FAM149B1: variants seen among roughly 807,000 people sequenced by gnomAD.
The protein encoded by FAM149B1 is primary cilium assembly protein FAM149B1.
FAM149B1 carries 56 observed loss-of-function variants against 75.3 expected under a neutral mutation model. The ratio of observed to expected loss-of-function variants is 0.74; its 90% CI spans 0.60 to 0.93. The LOEUF (loss-of-function observed/expected upper bound fraction) is 0.93, where lower values mean the gene tolerates loss of function less well. Ranked by LOEUF, FAM149B1 falls within the 40% of genes least tolerant of loss-of-function variation. FAM149B1 has a pLI of 0.00. For missense variants in FAM149B1, 639 were observed against 708.4 expected (o/e 0.90, Z 1.11); for synonymous variants, 259 against 256.1 (o/e 1.01, Z -0.11).
chr10:73,192,432 ACAG>A lies in FAM149B1; in HGVS notation c.283-120_283-118del. ...AATTTAACTTTTCTTTCGTGGAAAC[ACAG>A]CAGTATTTCAAGTAGACTAAATATG... On this transcript the variant is annotated intron_variant, in intron 3 of 13. Transcript: ENST00000242505. The A allele has an allele frequency of 3.3e-6, 3 of 908,620 alleles. No individual in the cohort carries two copies. In the Admixed American group the frequency reaches 9.9e-5, roughly 30 times the overall value. 56.3% of individuals were successfully genotyped at this position (908,620 alleles called of 1,614,324 possible). A position where few individuals can be genotyped will look rare whatever the true frequency, so the allele number is the denominator to read the frequency against.
intron 7 of FAM149B1, among the ~76,000 whole-genome samples, chr10:73,223,737 T>TG (rs2043471163): frequency 1.3e-5 from 2 of 151,620 alleles, no homozygotes; most frequent in Admixed American, 1.3e-4. Flanking sequence ...GTGTTAGGTT[T>TG]TTTTTTTTTT....
intron 1 of FAM149B1, among the ~76,000 whole-genome samples, chr10:73,171,819 G>C (rs1467097181): frequency 1.3e-5 from 2 of 151,836 alleles, no homozygotes; most frequent in African/African-American, 4.8e-5. Context: ...TAGTAGAGAC[G>C]GGGTTTCACC....
In FAM149B1 at chr10:73,235,031, T is replaced by C. The variant is rs923297265; in HGVS notation, c.1476+91T>C. 5 of 1,498,446 alleles carry C rather than the reference T, an allele frequency of 3.3e-6. No homozygotes were observed. In the African/African-American group the frequency reaches 4.2e-5, roughly 12 times the overall value. The allele number at this position is 1,498,446 out of a possible 1,614,324, so 92.8% of individuals were successfully genotyped here. A position where few individuals can be genotyped will look rare whatever the true frequency, so the allele number is the denominator to read the frequency against. ...GGATCTGTGCCCTGATCTTGATTTA[T>C]ACTGTGTTTTGTCAAAAGTACAAAC... On this transcript the variant is annotated intron_variant, in intron 11 of 13. Transcript: ENST00000242505.
rs1277052686 is a variant in FAM149B1, at chr10:73,242,004, AT to A, written c.*987del. On this transcript the variant is annotated 3_prime_UTR_variant, in exon 14 of 14. Coordinates refer to ENST00000242505, the MANE Select transcript of FAM149B1 (RefSeq NM_173348.2). ...TAAATTTCACTAAATACAAATCTTGATTGTCATGCCAGTTTTAGATCTTATT... is the reference window on the plus strand; with the variant it reads ...TAAATTTCACTAAATACAAATCTTGATGTCATGCCAGTTTTAGATCTTATT... 6.6e-6 allele frequency: 1 copy of A among 152,198 alleles called. No homozygotes were observed. The highest frequency in any genetic ancestry group is 1.5e-5 in the Non-Finnish European group (1 of 68,026). 9.4% of individuals were successfully genotyped at this position (152,198 alleles called of 1,614,324 possible). A position where few individuals can be genotyped will look rare whatever the true frequency, so the allele number is the denominator to read the frequency against.
In FAM149B1 at chr10:73,242,982, T is replaced by A; in HGVS notation, c.*1963T>A. ...AAGACCAAATGTAAACTGGGAAGTA[T>A]GTGGAAGATAGCTGTCCAGCAAGTG... On this transcript the variant is annotated 3_prime_UTR_variant, in exon 14 of 14. Coordinates refer to ENST00000242505, the MANE Select transcript of FAM149B1 (RefSeq NM_173348.2). The A allele has an allele frequency of 5.9e-6, 1 of 170,524 alleles. No homozygotes were observed. Among genetic ancestry groups the A allele is most frequent in the Admixed American group, 5.8e-5 (1 of 17,338 alleles). The allele number at this position is 170,524 out of a possible 1,614,324, so 10.6% of individuals were successfully genotyped here. A position where few individuals can be genotyped will look rare whatever the true frequency, so the allele number is the denominator to read the frequency against.
At position 73,237,927 on chromosome 10, in the gene FAM149B1, G is replaced by A. The variant is rs549947669; in HGVS notation, c.1603-1385G>A. Among the ~76,000 whole-genome samples the A allele has an allele frequency of 2.6e-5, 4 of 152,022 alleles. No individual in the cohort carries two copies. The East Asian group carries it at 7.7e-4, about 29-fold the overall frequency. ...TTTTGATTGCCTTAGGAATAAAACTGAACAGATGAAAATGTTTCAGTCTTC... is the reference window on the plus strand; with the variant it reads ...TTTTGATTGCCTTAGGAATAAAACTAAACAGATGAAAATGTTTCAGTCTTC... On this transcript the variant is annotated intron_variant, in intron 12 of 13. Coordinates refer to ENST00000242505, the MANE Select transcript of FAM149B1 (RefSeq NM_173348.2).
At chr10:73,221,330 A>G (rs1430363135) in intron 7 of FAM149B1, among the ~76,000 whole-genome samples, 1 of 152,062 alleles carries the variant, frequency 6.6e-6, no homozygotes, top group Non-Finnish European at 1.5e-5. Context: ...ATGTCCATTA[A>G]TATTTCTTGT....
At position 73,234,829 on chromosome 10, in the gene FAM149B1, C is replaced by T. The variant is rs778281633; in HGVS notation, c.1365C>T (p.Pro455=). The part of the protein sequence containing the change: ...ILRGARVPVA[P]DSLSSPSPTP... The stretch of plus-strand genomic sequence containing the variant: ...GTGGGATCTGCAGCCCAGTGGCACC[C>T]GACTCGCTCTCCTCTCCCTCACCGA... Residue 455 remains proline, a synonymous_variant, in exon 11 of 14, where the codon CCC becomes CCT. Coordinates refer to ENST00000242505, the MANE Select transcript of FAM149B1 (RefSeq NM_173348.2). 126 of 1,551,402 alleles carry T rather than the reference C, an allele frequency of 8.1e-5. 1 individual carries two copies. The African/African-American group carries it at 1.3e-3, about 16-fold the overall frequency.
chr10:73,176,387 C>G (rs374561402), intron 2 of FAM149B1, among the ~76,000 whole-genome samples: 2 of 152,104 alleles, frequency 1.3e-5, no homozygotes, highest in East Asian at 3.8e-4. Flanking sequence ...TCTGTGACCC[C>G]GGGGTTCGGG....
At chr10:73,183,261 T>C (rs1479122014) in intron 3 of FAM149B1, 1 of 152,226 alleles carries the variant, frequency 6.6e-6, no homozygotes, top group Non-Finnish European at 1.5e-5. Flanking sequence ...GTATATGATA[T>C]ATAAAGTGTG....
intron 3 of FAM149B1, among the ~76,000 whole-genome samples, chr10:73,189,592 A>G (rs550711667): frequency 2.0e-5 from 3 of 152,370 alleles, no homozygotes; most frequent in African/African-American, 7.2e-5. Context: ...AATACATGCA[A>G]TAACATGAAT....
In FAM149B1 at chr10:73,215,185, G is replaced by A. The variant is rs561751011; in HGVS notation, c.898+4747G>A. 4.0e-5 allele frequency among the ~76,000 whole-genome samples: 6 copies of A among 151,894 alleles called. No homozygotes were observed. In the South Asian group the frequency reaches 6.3e-4, roughly 16 times the overall value. On this transcript the variant is annotated intron_variant, in intron 7 of 13. Coordinates refer to ENST00000242505, the MANE Select transcript of FAM149B1 (RefSeq NM_173348.2). Reference sequence around the variant, plus strand: ...ATGGGTGCACACCACCATAACCAGCGTATTTTTGTATTTTTAGTAGAGATA... The same window carrying A: ...ATGGGTGCACACCACCATAACCAGCATATTTTTGTATTTTTAGTAGAGATA...
Position 73,243,531 on chromosome 10 carries a change from GT to G in FAM149B1, c.*2514del. 6.2e-7 allele frequency: 1 copy of G among 1,613,792 alleles called. No individual in the cohort carries two copies. The highest frequency in any genetic ancestry group is 1.1e-5 in the South Asian group (1 of 91,006). On this transcript the variant is annotated 3_prime_UTR_variant, in exon 14 of 14. Transcript: ENST00000242505. ...TCCTTTTGTCTGCTCTGTTTGAGAA[GT>G]TAAAACACAAGCTTTCACAACATTA...
chr10:73,209,399 G>T (rs1022627223), intron 6 of FAM149B1, among the ~76,000 whole-genome samples: 4 of 152,114 alleles, frequency 2.6e-5, no homozygotes, highest in Non-Finnish European at 5.9e-5. Flanking sequence ...AGTGAGCCGA[G>T]ATCACGCCAC....
intron 2 of FAM149B1, among the ~76,000 whole-genome samples, chr10:73,175,311 A>C (rs1473929270): frequency 1.3e-5 from 2 of 152,250 alleles, no homozygotes; most frequent in Admixed American, 6.5e-5. Context: ...TCAAGGCTGC[A>C]GTAAGCTGTG....
chr10:73,168,506 T>C lies in FAM149B1; in HGVS notation c.47+120T>C, dbSNP rs938421879. 1.2e-5 allele frequency: 14 copies of C among 1,212,716 alleles called. No homozygotes were observed. In the African/African-American group the frequency reaches 1.9e-4, roughly 16 times the overall value. The allele number at this position is 1,212,716 out of a possible 1,614,324, so 75.1% of individuals were successfully genotyped here. On this transcript the variant is annotated intron_variant, in intron 1 of 13. Transcript: ENST00000242505. ...CTGGGGAGAGATTTTTCTTCGGAAT[T>C]CTCTCCTCTCAGCCCTGCTGGACCC...
At chr10:73,223,012 C>T (rs554053250) in intron 7 of FAM149B1, among the ~76,000 whole-genome samples, 1 of 152,236 alleles carries the variant, frequency 6.6e-6, no homozygotes, top group South Asian at 2.1e-4. Context: ...CCTAGCTACT[C>T]AGGGGACTAA....
chr10:73,216,714 G>A (rs569930626), intron 7 of FAM149B1, among the ~76,000 whole-genome samples: 1 of 152,290 alleles, frequency 6.6e-6, no homozygotes, highest in South Asian at 2.1e-4. Context: ...TCCTCTACCA[G>A]GTGGCAGCTG....
At position 73,228,149 on chromosome 10, in the gene FAM149B1, CCA is replaced by C. The variant is rs1803165425; in HGVS notation, c.991_992del (p.Gln331ValfsTer2). 2 of 1,551,528 alleles carry C rather than the reference CCA, an allele frequency of 1.3e-6. No homozygotes were observed. Among genetic ancestry groups the C allele is most frequent in the Non-Finnish European group, 1.7e-6 (2 of 1,146,880 alleles). ...ACATCCTTTGGTGTTACCGCGAGTG[CCA>C]CAGTCTAAGGTGCTGTACATTACCT... Reference protein sequence around the residue: ...ELHPLVLPRVPQSKVLYITSN... With the variant: ...ELHPLVLPRVXQSKVLYITSN... On this transcript the variant is annotated frameshift_variant, in exon 8 of 14. Coordinates refer to ENST00000242505, the MANE Select transcript of FAM149B1 (RefSeq NM_173348.2). LOFTEE classifies it high-confidence loss of function.
Sources: allele counts gnomAD v4.1 joint callset (sites outside exome capture counted in the v4.1 genomes callset), GRCh38; gene constraint gnomAD v4.1.1; transcripts MANE v1.5; gene names NCBI Gene and HGNC (gene_info 2026-07-23, HGNC 2026-07-21).